DGKI: variants seen among roughly 807,000 people sequenced by gnomAD.
The protein encoded by DGKI is DAG kinase iota.
A neutral mutation model predicts 147.5 loss-of-function variants in DGKI; 55 were observed. The observed-to-expected ratio is 0.37, with a 90% CI of 0.30 to 0.47. The LOEUF (loss-of-function observed/expected upper bound fraction) is 0.47, where lower values mean the gene tolerates loss of function less well. Ranked by LOEUF, DGKI falls within the 20% of genes least tolerant of loss-of-function variation. DGKI has a pLI of 1.00. For missense variants in DGKI, 1,007 were observed against 1,323.8 expected (o/e 0.76, Z 3.71); for synonymous variants, 469 against 477.1 (o/e 0.98, Z 0.22).
chr7:137,443,335 G>T (rs779948593), intron 28 of DGKI, among the ~76,000 whole-genome samples: 1 of 152,152 alleles, frequency 6.6e-6, no homozygotes, highest in Non-Finnish European at 1.5e-5. Flanking sequence ...CTAGGGAAAA[G>T]AAATATAGAG....
intron 19 of DGKI, among the ~76,000 whole-genome samples, chr7:137,565,647 G>C (rs924677673): frequency 1.3e-5 from 2 of 152,118 alleles, no homozygotes; most frequent in Admixed American, 1.3e-4. Flanking sequence ...TGGCAAATTA[G>C]GTTCCCAATT....
At chr7:137,571,919 A>G (rs890874835) in intron 18 of DGKI, among the ~76,000 whole-genome samples, 11 of 152,236 alleles carry the variant, frequency 7.2e-5, no homozygotes, top group African/African-American at 2.4e-4. Context: ...ATAATAAAGC[A>G]AAGTAATAAA....
chr7:137,737,546 A>C (rs905041002), intron 1 of DGKI, among the ~76,000 whole-genome samples: 43 of 152,042 alleles, frequency 2.8e-4, no homozygotes, highest in East Asian at 3.9e-4. Context: ...AGCAGGTGAC[A>C]TGAAAGCTCA....
intron 3 of DGKI, among the ~76,000 whole-genome samples, chr7:137,662,139 G>A (rs925331925): frequency 2.0e-5 from 3 of 151,948 alleles, no homozygotes; most frequent in African/African-American, 4.8e-5. Context: ...GCCAAAGCCC[G>A]ACCTCCACCA....
chr7:137,675,326 C>A (rs1822992689), intron 3 of DGKI, among the ~76,000 whole-genome samples: 1 of 152,126 alleles, frequency 6.6e-6, no homozygotes, highest in South Asian at 2.1e-4. Flanking sequence ...TCTTATCATA[C>A]GGTATTTCTC....
chr7:137,728,230 G>A (rs1034641041), intron 1 of DGKI, among the ~76,000 whole-genome samples: 40 of 152,064 alleles, frequency 2.6e-4, no homozygotes, highest in African/African-American at 8.7e-4. Context: ...CAGTGGTAAC[G>A]TCAAAGTCTG....
chr7:137,421,128 C>A (rs377160372), intron 28 of DGKI, among the ~76,000 whole-genome samples: 17 of 152,166 alleles, frequency 1.1e-4, no homozygotes, highest in African/African-American at 4.1e-4. Flanking sequence ...TAGGTTTATA[C>A]CCCTCACACT....
Position 137,381,467 on chromosome 7 carries a change from T to C in DGKI, c.*9753A>G, listed in dbSNP as rs1811059304. 1 of 151,546 alleles carries C rather than the reference T, an allele frequency of 6.6e-6. No homozygotes were observed. The highest frequency in any genetic ancestry group is 1.9e-4 in the East Asian group (1 of 5,146). 9.4% of individuals were successfully genotyped at this position (151,546 alleles called of 1,614,324 possible). ...TGTGATAGGGCAGAATCAGAAATCA[T>C]GAAAAAGCCCTTTATAATGTGACTG... On this transcript the variant is annotated 3_prime_UTR_variant, in exon 33 of 33. Transcript: ENST00000614521.
chr7:137,773,311 A>T (rs920242362), intron 1 of DGKI, among the ~76,000 whole-genome samples: 1 of 152,358 alleles, frequency 6.6e-6, no homozygotes, highest in Middle Eastern at 3.4e-3. Flanking sequence ...CACTTTGGGA[A>T]AACCCTCACA....
At chr7:137,795,098 G>C (rs911850045) in intron 1 of DGKI, among the ~76,000 whole-genome samples, 1 of 152,158 alleles carries the variant, frequency 6.6e-6, no homozygotes, top group African/African-American at 2.4e-5. Flanking sequence ...GAAAGTATGA[G>C]AGCAGTTGCA....
At chr7:137,657,669 C>T (rs1223718292) in intron 3 of DGKI, among the ~76,000 whole-genome samples, 1 of 152,190 alleles carries the variant, frequency 6.6e-6, no homozygotes, top group African/African-American at 2.4e-5. Context: ...TGTGAAAGGT[C>T]CTGAGTTCCT....
At chr7:137,562,123 A>G (rs1413408137) in intron 19 of DGKI, among the ~76,000 whole-genome samples, 2 of 152,212 alleles carry the variant, frequency 1.3e-5, no homozygotes, top group African/African-American at 4.8e-5. Flanking sequence ...TGGGTAACAA[A>G]GGACTTTCTA....
chr7:137,846,419 C>T lies in DGKI; in HGVS notation c.401+43G>A, dbSNP rs771230927. The T allele has an allele frequency of 6.1e-6, 9 of 1,482,506 alleles. 1 individual carries two copies. In the South Asian group the frequency reaches 1.0e-4, roughly 17 times the overall value. 91.8% of individuals were successfully genotyped at this position (1,482,506 alleles called of 1,614,324 possible). A position where few individuals can be genotyped will look rare whatever the true frequency, so the allele number is the denominator to read the frequency against. ...TTGCTGGGTAGAAGAGTGGGTCTCCCGCCGCGGCGCACCTGTCTCGGCTGC... is the reference window on the plus strand; with the variant it reads ...TTGCTGGGTAGAAGAGTGGGTCTCCTGCCGCGGCGCACCTGTCTCGGCTGC... On this transcript the variant is annotated intron_variant, in intron 1 of 32. Coordinates refer to ENST00000614521, the MANE Select transcript of DGKI (RefSeq NM_001321708.2). This position sits in a 1 kb window ranked among gnomAD's most constrained non-coding sequence, Gnocchi z 4.0.
At chr7:137,725,834 C>G (rs1794702695) in intron 1 of DGKI, among the ~76,000 whole-genome samples, 2 of 152,146 alleles carry the variant, frequency 1.3e-5, no homozygotes, top group South Asian at 4.1e-4. Context: ...TAGCCTAACT[C>G]TCTTCTTCTC....
At chr7:137,582,166 A>T (rs1311052770) in intron 14 of DGKI, among the ~76,000 whole-genome samples, 3 of 152,168 alleles carry the variant, frequency 2.0e-5, no homozygotes, top group Non-Finnish European at 4.4e-5. Flanking sequence ...ATGTGTCACA[A>T]ATACAAATTA....
intron 1 of DGKI, among the ~76,000 whole-genome samples, chr7:137,765,264 A>G (rs1795982716): frequency 6.6e-6 from 1 of 152,102 alleles, no homozygotes; most frequent in Non-Finnish European, 1.5e-5. Context: ...TACTGCCAGT[A>G]GATTTTTTTC....
At chr7:137,436,809 T>A (rs1813301658) in intron 28 of DGKI, among the ~76,000 whole-genome samples, 1 of 147,686 alleles carries the variant, frequency 6.8e-6, no homozygotes, top group South Asian at 2.1e-4. Flanking sequence ...TAAGAACCAA[T>A]CTGAGTTCTT....
intron 17 of DGKI, among the ~76,000 whole-genome samples, chr7:137,576,692 G>A (rs1411031918): frequency 1.3e-5 from 2 of 152,156 alleles, no homozygotes; most frequent in Non-Finnish European, 1.5e-5. Context: ...CTAGTGGTGA[G>A]GAACCTTGAC....
Position 137,846,852 on chromosome 7 carries a change from G to C in DGKI, c.11C>G (p.Ala4Gly). 1 of 1,145,414 alleles carries C rather than the reference G, an allele frequency of 8.7e-7. No homozygotes were observed. The highest frequency in any genetic ancestry group is 4.2e-5 in the South Asian group (1 of 23,540). The allele number at this position is 1,145,414 out of a possible 1,614,324, so 71.0% of individuals were successfully genotyped here. The change falls in exon 1 of 33, where the codon GCG (alanine) becomes GGG (glycine). Residue 4 changes from alanine (A) to glycine (G), a missense_variant. Ala to Gly is a moderately conservative substitution (Grantham distance 60). Transcript: ENST00000614521. The surrounding 1 kb of genome is among the most constrained non-coding windows in gnomAD (Gnocchi z 4.0). MDAAGRGCHLLPLP... is the reference protein window; with the variant it reads MDAGGRGCHLLPLP... ...GGGCAGCAAATGGCAGCCCCTTCCC[G>C]CAGCATCCATCCGCGGCTGCACCGC...
Sources: allele counts gnomAD v4.1 joint callset (sites outside exome capture counted in the v4.1 genomes callset), GRCh38; gene constraint gnomAD v4.1.1; non-coding constraint Gnocchi (gnomAD v3.1); transcripts MANE v1.5; gene names NCBI Gene and HGNC (gene_info 2026-07-23, HGNC 2026-07-21).